The following BCAR3 variants were observed in gnomAD, a reference collection of about 807,000 sequenced individuals.
BCAR3 encodes BCAR3 adaptor protein, NSP family member, also known as breast cancer anti-estrogen resistance protein 3.
In BCAR3, 37 loss-of-function variants were observed where a neutral mutation model predicts 80.1. The observed-to-expected ratio is 0.46, with a 90% CI of 0.36 to 0.61. The LOEUF (loss-of-function observed/expected upper bound fraction) is 0.61, where lower values mean the gene tolerates loss of function less well. Among genes scored for constraint, BCAR3 ranks in the 20% least tolerant of loss-of-function variants. The probability of loss-of-function intolerance (pLI) is 0.00; values close to 1 mark genes in which losing one functional copy is unlikely to be tolerated. For synonymous variants in BCAR3, 389 were observed against 418.9 expected (o/e 0.93, Z 0.87); for missense variants, 978 against 1,068.2 (o/e 0.92, Z 1.18).
At chr1:93,666,660 T>C (rs1647928159) in intron 2 of BCAR3, among the ~76,000 whole-genome samples, 1 of 152,170 alleles carries the variant, frequency 6.6e-6, no homozygotes, top group Non-Finnish European at 1.5e-5. Flanking sequence ...GCAAAGACAC[T>C]GATATTAAGC....
chr1:93,617,956 C>A (rs1675183388), intron 3 of BCAR3, among the ~76,000 whole-genome samples: 1 of 152,206 alleles, frequency 6.6e-6, no homozygotes, highest in Admixed American at 6.5e-5. Context: ...CCTATCTCTG[C>A]CTGATTCTGA....
intron 3 of BCAR3, among the ~76,000 whole-genome samples, chr1:93,606,428 T>C (rs1674774159): frequency 6.6e-6 from 1 of 152,104 alleles, no homozygotes; most frequent in Non-Finnish European, 1.5e-5. Context: ...GAGTGGTGTT[T>C]AGAAGGTAAT....
At chr1:93,842,284 T>G (rs1654989859) in intron 2 of BCAR3, among the ~76,000 whole-genome samples, 1 of 152,030 alleles carries the variant, frequency 6.6e-6, no homozygotes, top group Admixed American at 6.6e-5. Flanking sequence ...CCCGAGTAGC[T>G]GGGATTACAG....
At chr1:93,838,622 G>C (rs1401585528) in intron 2 of BCAR3, among the ~76,000 whole-genome samples, 1 of 152,116 alleles carries the variant, frequency 6.6e-6, no homozygotes, top group Non-Finnish European at 1.5e-5. Flanking sequence ...CCCCTTTCTA[G>C]TCATTTATAG....
chr1:93,682,382 G>A (rs1007914338), upstream of BCAR3, among the ~76,000 whole-genome samples: 1 of 152,188 alleles, frequency 6.6e-6, no homozygotes, highest in African/African-American at 2.4e-5. Flanking sequence ...CATAGAAATA[G>A]TAGAAGGATA....
At chr1:93,663,452 C>A (rs1433908265) in intron 2 of BCAR3, among the ~76,000 whole-genome samples, 1 of 152,112 alleles carries the variant, frequency 6.6e-6, no homozygotes, top group Non-Finnish European at 1.5e-5. Flanking sequence ...GTGCCACCTG[C>A]AGTCAGCAAG....
At chr1:93,821,751 A>G (rs1255130278) in intron 2 of BCAR3, among the ~76,000 whole-genome samples, 1 of 152,206 alleles carries the variant, frequency 6.6e-6, no homozygotes, top group Non-Finnish European at 1.5e-5. Flanking sequence ...AGCACTTAGC[A>G]TACCTTATAA....
intron 2 of BCAR3, among the ~76,000 whole-genome samples, chr1:93,745,901 A>G (rs1274622983): frequency 6.6e-6 from 1 of 152,216 alleles, no homozygotes; most frequent in African/African-American, 2.4e-5. Context: ...AACAAAACCA[A>G]AAATATTTTA....
intron 2 of BCAR3, among the ~76,000 whole-genome samples, chr1:93,718,688 CTTTTTTTT>C (rs71094259): frequency 3.9e-5 from 3 of 77,042 alleles, no homozygotes; most frequent in East Asian, 4.1e-4. Flanking sequence ...CATTGTTTTT[CTTTTTTTT>C]TTTTTTTTTT....
At chr1:93,568,336 G>T (rs113014015) in intron 9 of BCAR3, among the ~76,000 whole-genome samples, 1 of 152,128 alleles carries the variant, frequency 6.6e-6, no homozygotes, top group Non-Finnish European at 1.5e-5. Flanking sequence ...TGCTGTTAGC[G>T]CATCCCAGAG....
intron 3 of BCAR3, among the ~76,000 whole-genome samples, chr1:93,609,574 T>G (rs751637153): frequency 3.3e-5 from 5 of 152,156 alleles, no homozygotes; most frequent in Non-Finnish European, 5.9e-5. Flanking sequence ...CCTAAATAAA[T>G]AAGTTACTAA....
At chr1:93,603,253 G>C (rs1674676494) in intron 3 of BCAR3, among the ~76,000 whole-genome samples, 1 of 152,264 alleles carries the variant, frequency 6.6e-6, no homozygotes, top group African/African-American at 2.4e-5. Context: ...ACCCAGCCCA[G>C]TGGGCACATG....
intron 3 of BCAR3, among the ~76,000 whole-genome samples, chr1:93,697,837 G>C (rs141936486): frequency 6.6e-6 from 1 of 152,082 alleles, no homozygotes; most frequent in East Asian, 1.9e-4. Context: ...AATTAGCCAG[G>C]CATGGTGGCG....
chr1:93,772,933 A>G (rs537616249), intron 2 of BCAR3, among the ~76,000 whole-genome samples: 1 of 152,180 alleles, frequency 6.6e-6, no homozygotes, highest in South Asian at 2.1e-4. Context: ...CTTAAGGGGA[A>G]GTACTGAAAG....
In BCAR3 at chr1:93,592,309, C is replaced by G. The variant is rs1674245083; in HGVS notation, c.442G>C (p.Asp148His). ...TGGTACCAGGCATGGCTGCGCAGGT[C>G]CTCGCTGCTCAGGAGCAGCTCCTCC... ...LEEELLLSSE[D>H]LRSHAWYHGR... Residue 148 changes from aspartate (D) to histidine (H), a missense_variant, in exon 4 of 12, where the codon GAC (aspartate) becomes CAC (histidine). By Grantham distance (81) the Asp-to-His change is moderately conservative. Coordinates refer to ENST00000260502, the MANE Select transcript of BCAR3 (RefSeq NM_003567.4). The surrounding 1 kb of genome is among the most constrained non-coding windows in gnomAD (Gnocchi z 4.8). The G allele has an allele frequency of 1.9e-6, 3 of 1,612,068 alleles. No homozygotes were observed. In the African/African-American group the frequency reaches 4.0e-5, roughly 22 times the overall value.
chr1:93,618,223 G>A (rs113403623), intron 3 of BCAR3, among the ~76,000 whole-genome samples: 1 of 152,224 alleles, frequency 6.6e-6, no homozygotes, highest in Admixed American at 6.5e-5. Context: ...CAATGCCTGC[G>A]CCCTCTGGCC....
chr1:93,846,842 C>T (rs774657435), intron 1 of BCAR3: 69 of 474,928 alleles, frequency 1.5e-4, no homozygotes, highest in Admixed American at 3.8e-4. Flanking sequence ...GGCGCGTCGC[C>T]CCCCTCAGTC....
At chr1:93,571,500 G>GA (rs200297271) in intron 9 of BCAR3, 170 bp downstream of exon 9, 14,979 of 685,470 alleles carry the variant, frequency 0.022, no homozygotes, top group Non-Finnish European at 0.024. Flanking sequence ...TCTCAAAAAA[G>GA]AAAAAAAAAA....
intron 3 of BCAR3, among the ~76,000 whole-genome samples, chr1:93,705,729 G>A (rs1169321463): frequency 6.6e-6 from 1 of 152,182 alleles, no homozygotes; most frequent in Non-Finnish European, 1.5e-5. Flanking sequence ...GATAATTATG[G>A]TAACCATCAT....
Sources: allele counts gnomAD v4.1 joint callset (sites outside exome capture counted in the v4.1 genomes callset), GRCh38; gene constraint gnomAD v4.1.1; non-coding constraint Gnocchi (gnomAD v3.1); transcripts MANE v1.5; gene names NCBI Gene and HGNC (gene_info 2026-07-23, HGNC 2026-07-21).